The following SOX6 variants were observed in gnomAD, a reference collection of about 807,000 sequenced individuals.
SOX6 encodes the protein SRY-box transcription factor 6, also known as transcription factor SOX-6.
A neutral mutation model predicts 97.8 loss-of-function variants in SOX6; 11 were observed. The ratio of observed to expected loss-of-function variants is 0.11; its 90% CI spans 0.07 to 0.19. The LOEUF (loss-of-function observed/expected upper bound fraction) is 0.19. Ranked by LOEUF, SOX6 falls within the 10% of genes least tolerant of loss-of-function variation. The probability of loss-of-function intolerance (pLI) is 1.00; values close to 1 mark genes in which losing one functional copy is unlikely to be tolerated. For missense variants in SOX6, 810 were observed against 1,039.5 expected, an observed-to-expected ratio of 0.78 and a Z score of 3.04; for synonymous variants, 360 against 371.4, an observed-to-expected ratio of 0.97 and a Z score of 0.35.
At chr11:16,262,539 C>G (rs961101311) in intron 3 of SOX6, among the ~76,000 whole-genome samples, 1 of 151,990 alleles carries the variant, frequency 6.6e-6, no homozygotes, top group Admixed American at 6.6e-5. Context: ...AGCCACAAAC[C>G]AAAGTGTAAT....
At chr11:16,063,858 T>C (rs1848027135) in intron 9 of SOX6, among the ~76,000 whole-genome samples, 1 of 151,428 alleles carries the variant, frequency 6.6e-6, no homozygotes, top group Non-Finnish European at 1.5e-5. Context: ...CCTGTATTCT[T>C]TCTGCTTTTA....
intron 6 of SOX6, among the ~76,000 whole-genome samples, chr11:16,114,953 C>G (rs1159231554): frequency 6.6e-6 from 1 of 152,182 alleles, no homozygotes; most frequent in Non-Finnish European, 1.5e-5. Context: ...CATGAGATAA[C>G]TAACCAAACT....
chr11:16,507,612 A>G (rs1860811887), intron 4 of SOX6, among the ~76,000 whole-genome samples: 1 of 152,182 alleles, frequency 6.6e-6, no homozygotes, highest in Non-Finnish European at 1.5e-5. Flanking sequence ...ATAAACCCAC[A>G]TATTTACAGC....
At chr11:16,732,103 T>C (rs771058495) in intron 2 of SOX6, among the ~76,000 whole-genome samples, 4 of 152,160 alleles carry the variant, frequency 2.6e-5, no homozygotes, top group African/African-American at 7.2e-5. Flanking sequence ...CACAAATAAA[T>C]GGAAAAACAT....
At chr11:16,269,134 G>T (rs750309768) in intron 3 of SOX6, among the ~76,000 whole-genome samples, 1 of 149,618 alleles carries the variant, frequency 6.7e-6, no homozygotes, top group South Asian at 2.1e-4. Flanking sequence ...AATGGCTACC[G>T]CATTTGAATT....
At chr11:16,633,017 T>C (rs553762622) in intron 3 of SOX6, among the ~76,000 whole-genome samples, 2 of 152,254 alleles carry the variant, frequency 1.3e-5, no homozygotes, top group East Asian at 1.9e-4. Context: ...CCTGGGGATC[T>C]GCCTGGGCAT....
chr11:16,394,932 A>C (rs1192155227), intron 1 of SOX6, among the ~76,000 whole-genome samples: 1 of 151,924 alleles, frequency 6.6e-6, no homozygotes, highest in Non-Finnish European at 1.5e-5. Context: ...ACAAAAATGA[A>C]GAAAAGCTGT....
intron 2 of SOX6, among the ~76,000 whole-genome samples, chr11:16,721,085 C>G (rs943887190): frequency 6.6e-6 from 1 of 152,076 alleles, no homozygotes; most frequent in African/African-American, 2.4e-5. Flanking sequence ...GGGCCTGAGG[C>G]CCAACTTAGG....
intron 12 of SOX6, among the ~76,000 whole-genome samples, chr11:16,035,236 C>T (rs956103669): frequency 3.3e-5 from 5 of 152,132 alleles, no homozygotes; most frequent in Admixed American, 1.3e-4. Flanking sequence ...AGGTGAAGTC[C>T]GTCTGTTATT....
chr11:16,182,562 T>C (rs759029495), intron 6 of SOX6, among the ~76,000 whole-genome samples: 23 of 151,924 alleles, frequency 1.5e-4, no homozygotes. Context: ...GGATGAGAAA[T>C]TATTCCAAGA....
chr11:16,108,774 C>T (rs1012918422), intron 7 of SOX6, among the ~76,000 whole-genome samples: 2 of 152,172 alleles, frequency 1.3e-5, no homozygotes, highest in African/African-American at 4.8e-5. Flanking sequence ...GAGAGCTTGC[C>T]TAGTGTTTAC....
chr11:16,132,869 G>A (rs1849856552), intron 6 of SOX6, among the ~76,000 whole-genome samples: 2 of 152,036 alleles, frequency 1.3e-5, no homozygotes, highest in African/African-American at 2.4e-5. Flanking sequence ...CTCTCAGAAT[G>A]GCATAACACT....
chr11:16,376,724 G>A (rs966411626), intron 1 of SOX6, among the ~76,000 whole-genome samples: 26 of 152,084 alleles, frequency 1.7e-4, no homozygotes, highest in African/African-American at 6.3e-4. Context: ...ACTACATTCT[G>A]CAGACCCAGG....
chr11:16,562,146 T>G (rs900499193), intron 4 of SOX6, among the ~76,000 whole-genome samples: 1 of 152,184 alleles, frequency 6.6e-6, no homozygotes, highest in Admixed American at 6.6e-5. Context: ...ATTTCTAATA[T>G]GAAGACTTCC....
chr11:16,227,788 T>C (rs1196551646), intron 4 of SOX6, among the ~76,000 whole-genome samples: 1 of 152,186 alleles, frequency 6.6e-6, no homozygotes, highest in Admixed American at 6.5e-5. Context: ...AGTCAAATAA[T>C]ATGTATTAGG....
rs546894045 is a variant in SOX6 at position 16,069,241 on chromosome 11, G to A, written c.1102-13340C>T. 1.2e-3 allele frequency among the ~76,000 whole-genome samples: 183 copies of A among 152,198 alleles called. 1 individual carries two copies. In the South Asian group the frequency reaches 0.036, roughly 30 times the overall value. ...ATACAATCTCTTTGCTACACAGAAG[G>A]AAAAAAGCTCATGCCTAGGAAAGGA... On this transcript the variant is annotated intron_variant, in intron 9 of 15. Coordinates refer to ENST00000683767, the MANE Select transcript of SOX6 (RefSeq NM_001367873.1).
intron 1 of SOX6, among the ~76,000 whole-genome samples, chr11:16,428,324 A>C (rs1025643237): frequency 6.6e-6 from 1 of 152,042 alleles, no homozygotes; most frequent in African/African-American, 2.4e-5. Context: ...GAAGCTCTTT[A>C]GTTTAACTAG....
At chr11:16,456,585 G>A (rs1359751814) in intron 1 of SOX6, among the ~76,000 whole-genome samples, 2 of 152,076 alleles carry the variant, frequency 1.3e-5, no homozygotes, top group Non-Finnish European at 2.9e-5. Flanking sequence ...GAGATACCAG[G>A]CAGATGACTT....
intron 4 of SOX6, among the ~76,000 whole-genome samples, chr11:16,488,528 C>A (rs907804526): frequency 2.0e-5 from 3 of 152,082 alleles, no homozygotes; most frequent in Non-Finnish European, 4.4e-5. Flanking sequence ...CAAGTCACAT[C>A]TTAGGTGATG....
Sources: gnomAD v4.1 joint callset for allele counts (sites outside exome capture counted in the v4.1 genomes callset) on GRCh38, gnomAD v4.1.1 for gene constraint, MANE v1.5 for transcripts, NCBI Gene and HGNC (gene_info 2026-07-23, HGNC 2026-07-21) for gene names.